Variants in MPDZ observed in about 807,000 individuals in gnomAD.
The protein encoded by MPDZ is multiple PDZ domain crumbs cell polarity complex component.
Under a neutral mutation model 239.1 loss-of-function variants are expected in MPDZ, and 234 were observed. That is an observed-to-expected ratio of 0.98 (90% confidence interval 0.88 to 1.09). The LOEUF is 1.09. Ranked by LOEUF, MPDZ falls within the 50% of genes least tolerant of loss-of-function variation. MPDZ has a pLI of 0.00. For synonymous variants in MPDZ, 1,048 were observed against 881.3 expected (o/e 1.19, Z -3.35); for missense variants, 3,175 against 2,510.0 (o/e 1.26, Z -5.66).
intron 35 of MPDZ, among the ~76,000 whole-genome samples, chr9:13,124,768 T>C (rs9886797): frequency 0.61 from 92,960 of 151,886 alleles, 29,359 homozygotes; most frequent in Middle Eastern, 0.71. Context: ...ACCTATGAAA[T>C]AGGATAATTG....
In MPDZ at chr9:13,195,985, A is replaced by AT. The variant is rs1355486491; in HGVS notation, c.1656+135dup. ...AATTTTTTTTATTACCTGGATCACCATATTTAGGTTGTCTAAAAAAGGCCT... is the reference window on the plus strand; with the variant it reads ...AATTTTTTTTATTACCTGGATCACCATTATTTAGGTTGTCTAAAAAAGGCCT... On this transcript the variant is annotated intron_variant, in intron 13 of 46. Coordinates refer to ENST00000319217, the MANE Select transcript of MPDZ (RefSeq NM_001378778.1). 24 of 551,896 alleles carry AT rather than the reference A, an allele frequency of 4.3e-5. No homozygotes were observed. The East Asian group carries it at 7.2e-4, about 16-fold the overall frequency. 34.2% of individuals were successfully genotyped at this position (551,896 alleles called of 1,614,324 possible). A position where few individuals can be genotyped will look rare whatever the true frequency, so the allele number is the denominator to read the frequency against.
In MPDZ at chr9:13,243,146, C is replaced by G. The variant is rs574150041; in HGVS notation, c.183+4489G>C. ...TACTCATTCCTTCTTTACTATTCAC[C>G]TTCTTTGTTTTCTTTCTGTTCTATT... On this transcript the variant is annotated intron_variant, in intron 3 of 46. Coordinates refer to ENST00000319217, the MANE Select transcript of MPDZ (RefSeq NM_001378778.1). Among the ~76,000 whole-genome samples the G allele has an allele frequency of 5.5e-4, 84 of 152,190 alleles. 1 individual carries two copies. The highest frequency in any genetic ancestry group is 1.2e-3 in the South Asian group (6 of 4,818).
intron 3 of MPDZ, among the ~76,000 whole-genome samples, chr9:13,225,958 C>T (rs1960438269): frequency 6.6e-6 from 1 of 152,046 alleles, no homozygotes; most frequent in South Asian, 2.1e-4. Context: ...TAGATCATAA[C>T]CATGAGTTTA....
At chr9:13,206,491 C>T (rs143354340) in intron 10 of MPDZ, among the ~76,000 whole-genome samples, 129 of 151,898 alleles carry the variant, frequency 8.5e-4, no homozygotes, top group African/African-American at 3.0e-3. Flanking sequence ...TAGGCTCAAG[C>T]GATCCTCTCA....
At chr9:13,227,542 TTATGCTATGGTAAGC>T (rs1371091243) in intron 3 of MPDZ, among the ~76,000 whole-genome samples, 3 of 152,050 alleles carry the variant, frequency 2.0e-5, no homozygotes, top group African/African-American at 7.2e-5. Context: ...ATATTTGGAC[TTATGCTATGGTAAGC>T]CAGAATGAAC....
intron 43 of MPDZ, among the ~76,000 whole-genome samples, chr9:13,111,117 G>A (rs1016341268): frequency 6.6e-6 from 1 of 152,234 alleles, no homozygotes; most frequent in Admixed American, 6.5e-5. Flanking sequence ...CTAAGTCGGA[G>A]GTTGGCAAAC....
chr9:13,228,347 T>C (rs1961284928), intron 3 of MPDZ, among the ~76,000 whole-genome samples: 1 of 152,048 alleles, frequency 6.6e-6, no homozygotes, highest in African/African-American at 2.4e-5. Flanking sequence ...ATACAACTTA[T>C]TCAATTTAAA....
At chr9:13,161,002 C>G (rs1191413544) in intron 23 of MPDZ, among the ~76,000 whole-genome samples, 2 of 151,270 alleles carry the variant, frequency 1.3e-5, no homozygotes, top group African/African-American at 2.4e-5. Flanking sequence ...GATTGAGCAT[C>G]TGTGGATTTT....
At chr9:13,252,223 A>G (rs1256667468) in intron 1 of MPDZ, among the ~76,000 whole-genome samples, 3 of 152,272 alleles carry the variant, frequency 2.0e-5, no homozygotes, top group African/African-American at 7.2e-5. Context: ...TTCACAAAAC[A>G]GCCTACTATT....
At chr9:13,137,830 CATCT>C in intron 29 of MPDZ, 123 bp downstream of exon 29, 1 of 948,596 alleles carries the variant, frequency 1.1e-6, no homozygotes, top group Non-Finnish European at 1.6e-6. Context: ...TGCTGCAATG[CATCT>C]ATTTTATTAA....
intron 23 of MPDZ, among the ~76,000 whole-genome samples, chr9:13,159,425 G>A (rs1295241561): frequency 6.6e-6 from 1 of 152,056 alleles, no homozygotes; most frequent in Admixed American, 6.6e-5. Flanking sequence ...GCTCCAAGAG[G>A]GAGATCCTAA....
chr9:13,228,818 T>C (rs1961470180), intron 3 of MPDZ, among the ~76,000 whole-genome samples: 1 of 152,158 alleles, frequency 6.6e-6, no homozygotes, highest in African/African-American at 2.4e-5. Context: ...AAACTTGTCA[T>C]AAATTTGTAT....
intron 6 of MPDZ, 100 bp downstream of exon 6, chr9:13,222,133 T>A (rs776048917): frequency 3.2e-5 from 28 of 865,410 alleles, no homozygotes; most frequent in Non-Finnish European, 4.4e-5. Context: ...AGACAAAAAC[T>A]CAAGAAGTGC....
At chr9:13,258,655 A>G (rs572734454) in intron 1 of MPDZ, among the ~76,000 whole-genome samples, 3 of 152,312 alleles carry the variant, frequency 2.0e-5, no homozygotes, top group African/African-American at 7.2e-5. Context: ...TACCCACCAA[A>G]TCATGTAGTC....
Position 13,115,311 on chromosome 9 carries a change from CA to C in MPDZ, c.5402del (p.Leu1801TrpfsTer23). ...LLKCSLGTVT[L>X]EVGRIKAGPF... ...GACCAGCTTTGATTCTTCCAACTTC[CA>C]AGGTTACTGTGCCTAGGGAACACTG... On this transcript the variant is annotated frameshift_variant, in exon 40 of 47. Transcript: ENST00000319217. LOFTEE classifies it high-confidence loss of function. The C allele has an allele frequency of 6.2e-7, 1 of 1,612,598 alleles. No homozygotes were observed. Among genetic ancestry groups the C allele is most frequent in the Non-Finnish European group, 8.5e-7 (1 of 1,179,764 alleles).
intron 38 of MPDZ, among the ~76,000 whole-genome samples, chr9:13,121,482 G>T (rs537048848): frequency 1.3e-5 from 2 of 152,108 alleles, no homozygotes; most frequent in African/African-American, 4.8e-5. Flanking sequence ...AAAACTTAAC[G>T]TATTTCCTAG....
At chr9:13,164,820 C>T (rs190244843) in intron 22 of MPDZ, among the ~76,000 whole-genome samples, 1 of 152,130 alleles carries the variant, frequency 6.6e-6, no homozygotes, top group Non-Finnish European at 1.5e-5. Flanking sequence ...CACAATGCAA[C>T]AGAACATGCA....
At chr9:13,160,779 T>C (rs1002588062) in intron 23 of MPDZ, among the ~76,000 whole-genome samples, 5 of 138,860 alleles carry the variant, frequency 3.6e-5, no homozygotes, top group African/African-American at 1.1e-4. Context: ...AAATAGATGG[T>C]TGCATCTGCA....
intron 8 of MPDZ, among the ~76,000 whole-genome samples, 164 bp from the exon 9 acceptor site, chr9:13,217,458 A>G (rs1407189580): frequency 6.6e-6 from 1 of 151,962 alleles, no homozygotes; most frequent in Non-Finnish European, 1.5e-5. Flanking sequence ...TCCTGAAAAC[A>G]GGGATAGGCA....
Sources: allele counts gnomAD v4.1 joint callset (sites outside exome capture counted in the v4.1 genomes callset), GRCh38; gene constraint gnomAD v4.1.1; transcripts MANE v1.5; gene names NCBI Gene and HGNC (gene_info 2026-07-23, HGNC 2026-07-21).